Variants in KLHL32 observed in about 807,000 individuals in gnomAD.
KLHL32 encodes kelch like family member 32.
A neutral mutation model predicts 64.8 loss-of-function variants in KLHL32; 35 were observed. That is an observed-to-expected ratio of 0.54 (90% CI 0.41 to 0.72). KLHL32 has a LOEUF of 0.72. KLHL32 is among the 30% of genes least tolerant of loss of function. The pLI, the probability that KLHL32 is intolerant of heterozygous loss-of-function variation, is 0.00. For missense variants in KLHL32, 589 were observed against 768.5 expected (o/e 0.77, Z 2.76); for synonymous variants, 259 against 281.0 (o/e 0.92, Z 0.78).
chr6:97,050,834 C>G (rs779214689), intron 4 of KLHL32, among the ~76,000 whole-genome samples: 2 of 152,050 alleles, frequency 1.3e-5, no homozygotes, highest in Non-Finnish European at 2.9e-5. Flanking sequence ...AAAACCCCAT[C>G]TCTACTAAAA....
chr6:96,983,890 T>C (rs1477211829), intron 3 of KLHL32, among the ~76,000 whole-genome samples: 1 of 152,220 alleles, frequency 6.6e-6, no homozygotes, highest in Non-Finnish European at 1.5e-5. Flanking sequence ...TCAGTTCTGC[T>C]CTGATCTTAC....
chr6:96,915,684 G>T, the KLHL32 span, among the ~76,000 whole-genome samples: 1 of 151,858 alleles, frequency 6.6e-6, no homozygotes. Flanking sequence ...AATACTCATA[G>T]AATTTTATTA....
intron 1 of KLHL32, among the ~76,000 whole-genome samples, chr6:96,958,745 C>CAGCAGCAGGACTG (rs58200334): frequency 0.099 from 14,978 of 152,044 alleles, 773 homozygotes; most frequent in Middle Eastern, 0.16. Context: ...GTTTCCCCAC[C>CAGCAGCAGGACTG]CATTGGAAAG....
chr6:96,954,564 T>A (rs1327732500), intron 1 of KLHL32, among the ~76,000 whole-genome samples: 1 of 152,134 alleles, frequency 6.6e-6, no homozygotes, highest in Admixed American at 6.5e-5. Context: ...TCTTCTAATT[T>A]CCCTGGATTA....
At chr6:96,925,566 T>A (rs1042196087) in intron 1 of KLHL32, among the ~76,000 whole-genome samples, 2 of 152,312 alleles carry the variant, frequency 1.3e-5, no homozygotes, top group East Asian at 3.9e-4. Context: ...TGACTGCAGT[T>A]TAGATCCCTT....
chr6:96,941,193 G>A (rs2127999425), intron 1 of KLHL32, among the ~76,000 whole-genome samples: 1 of 152,238 alleles, frequency 6.6e-6, no homozygotes, highest in South Asian at 2.1e-4. Context: ...TGCTTTAAAA[G>A]GTACAACTTC....
chr6:96,929,944 A>T (rs1484230054), intron 1 of KLHL32, among the ~76,000 whole-genome samples: 1 of 152,208 alleles, frequency 6.6e-6, no homozygotes, highest in East Asian at 1.9e-4. Context: ...TGAAGAAGAA[A>T]TGTCTTTGGC....
chr6:96,945,512 A>G (rs1265806206), intron 1 of KLHL32, among the ~76,000 whole-genome samples: 2 of 152,188 alleles, frequency 1.3e-5, no homozygotes, highest in African/African-American at 4.8e-5. Context: ...CACAGTGCCT[A>G]CCACTCAATT....
At chr6:97,030,651 A>G (rs898763223) in intron 3 of KLHL32, among the ~76,000 whole-genome samples, 2 of 152,230 alleles carry the variant, frequency 1.3e-5, no homozygotes, top group Non-Finnish European at 2.9e-5. Flanking sequence ...ATGCTTTGGC[A>G]GAATGTTGTG....
Position 96,994,762 on chromosome 6 carries a change from A to G in KLHL32, c.204+18585A>G, listed in dbSNP as rs534016673. On this transcript the variant is annotated intron_variant, in intron 3 of 10. Coordinates refer to ENST00000369261, the MANE Select transcript of KLHL32 (RefSeq NM_052904.4). ...GATAATAATGCTTTAAAAAATAACA[A>G]AAATGTTAGGCTTAATTTAAGCAGT... Among the ~76,000 whole-genome samples, 40 of 152,370 alleles carry G rather than the reference A, an allele frequency of 2.6e-4. 1 individual carries two copies. In the South Asian group the frequency reaches 4.1e-3, roughly 16 times the overall value.
chr6:97,063,556 GT>G (rs1368344500), intron 4 of KLHL32, among the ~76,000 whole-genome samples: 1 of 152,192 alleles, frequency 6.6e-6, no homozygotes, highest in Non-Finnish European at 1.5e-5. Context: ...TGAAAATCCA[GT>G]GGCAGAGAAG....
chr6:96,998,454 A>G (rs1274911897), intron 3 of KLHL32, among the ~76,000 whole-genome samples: 1 of 152,208 alleles, frequency 6.6e-6, no homozygotes, highest in Non-Finnish European at 1.5e-5. Flanking sequence ...TAATAGTAAA[A>G]TAACCCCAAG....
chr6:97,025,155 A>G (rs2128108108), intron 3 of KLHL32: 1 of 974,438 alleles, frequency 1.0e-6, no homozygotes. Flanking sequence ...GAATTGGTAT[A>G]AAGAATTATT....
In KLHL32 at chr6:97,057,374, G is replaced by C. The variant is rs1347406345; in HGVS notation, c.313-7254G>C. On this transcript the variant is annotated intron_variant, in intron 4 of 10. Coordinates refer to ENST00000369261, the MANE Select transcript of KLHL32 (RefSeq NM_052904.4). ...AATTTTTGTATTTTTAGTAGAGACG[G>C]GGTTTCACTGTGTTAGCCAGGATGG... is the stretch of plus-strand genomic sequence containing the variant. Among the ~76,000 whole-genome samples, 3 of 113,436 alleles carry C rather than the reference G, an allele frequency of 2.6e-5. 1 individual carries two copies. Among genetic ancestry groups the C allele is most frequent in the African/African-American group, 1.3e-4 (3 of 22,604 alleles). 74.4% of individuals were successfully genotyped at this position (113,436 alleles called of 152,430 possible).
At chr6:96,931,331 C>T (rs1251618947) in intron 1 of KLHL32, among the ~76,000 whole-genome samples, 1 of 152,082 alleles carries the variant, frequency 6.6e-6, no homozygotes, top group Non-Finnish European at 1.5e-5. Context: ...ATTAGTATGG[C>T]CTGACTCTTT....
intron 3 of KLHL32, among the ~76,000 whole-genome samples, chr6:97,011,740 G>T (rs7745013): frequency 0.14 from 21,797 of 152,156 alleles, 2,958 homozygotes; most frequent in African/African-American, 0.33. Flanking sequence ...TAAAACTTCT[G>T]AGTAGAAAAG....
intron 6 of KLHL32, among the ~76,000 whole-genome samples, chr6:97,107,317 G>C (rs1203884125): frequency 6.6e-6 from 1 of 151,950 alleles, no homozygotes; most frequent in Non-Finnish European, 1.5e-5. Flanking sequence ...GTTATGTTTG[G>C]ACTTAGTGCA....
At chr6:96,948,415 T>A (rs931373332) in intron 1 of KLHL32, among the ~76,000 whole-genome samples, 1 of 152,020 alleles carries the variant, frequency 6.6e-6, no homozygotes, top group African/African-American at 2.4e-5. Context: ...AGAAAAAAAA[T>A]TCAACCAAGA....
At chr6:97,044,419 G>C (rs368885663) in intron 4 of KLHL32, among the ~76,000 whole-genome samples, 24 of 152,008 alleles carry the variant, frequency 1.6e-4, no homozygotes, top group East Asian at 9.7e-4. Flanking sequence ...GTATTTTCTT[G>C]AGGAGTTTTG....
Sources: gnomAD v4.1 joint callset for allele counts (sites outside exome capture counted in the v4.1 genomes callset) on GRCh38, gnomAD v4.1.1 for gene constraint, MANE v1.5 for transcripts, NCBI Gene and HGNC (gene_info 2026-07-23, HGNC 2026-07-21) for gene names.